Variants in CCSER1 observed in about 807,000 individuals in gnomAD.
CCSER1 encodes serine-rich coiled-coil domain-containing protein 1.
A neutral mutation model predicts 82.0 loss-of-function variants in CCSER1; 41 were observed. The ratio of observed to expected loss-of-function variants is 0.50; its 90% CI spans 0.39 to 0.65. The LOEUF (loss-of-function observed/expected upper bound fraction) is 0.65. Ranked by LOEUF, CCSER1 falls within the 30% of genes least tolerant of loss-of-function variation. CCSER1 has a pLI of 0.00. For missense variants in CCSER1, 1,119 were observed against 1,064.2 expected, an observed-to-expected ratio of 1.05 and a Z score of -0.72; for synonymous variants, 414 against 383.9, an observed-to-expected ratio of 1.08 and a Z score of -0.92.
intron 1 of CCSER1, among the ~76,000 whole-genome samples, chr4:90,298,423 G>T (rs919896694): frequency 6.6e-6 from 1 of 150,940 alleles, no homozygotes; most frequent in East Asian, 1.9e-4. Flanking sequence ...TATCAATTTT[G>T]TTGATCCTTT....
intron 10 of CCSER1, among the ~76,000 whole-genome samples, chr4:91,462,756 C>T (rs1756583915): frequency 6.6e-6 from 1 of 152,158 alleles, no homozygotes; most frequent in African/African-American, 2.4e-5. Flanking sequence ...GAGCCTCGCT[C>T]ATTGCTAGCA....
intron 10 of CCSER1, among the ~76,000 whole-genome samples, chr4:91,232,101 G>A (rs1407500689): frequency 2.6e-5 from 4 of 151,684 alleles, no homozygotes; most frequent in Non-Finnish European, 3.0e-5. Context: ...TACTATTTTG[G>A]CAAGGATATA....
At chr4:90,151,324 T>C (rs557616570) in intron 1 of CCSER1, among the ~76,000 whole-genome samples, 1 of 152,194 alleles carries the variant, frequency 6.6e-6, no homozygotes, top group South Asian at 2.1e-4. Context: ...ATATGGTTTC[T>C]TCATAAAGAT....
intron 9 of CCSER1, among the ~76,000 whole-genome samples, chr4:91,084,896 A>G (rs1419471623): frequency 1.3e-5 from 2 of 151,962 alleles, no homozygotes; most frequent in East Asian, 3.9e-4. Context: ...GTTTGAAAAA[A>G]CCCTGAAAAT....
intron 8 of CCSER1, among the ~76,000 whole-genome samples, chr4:90,842,473 A>G (rs925117232): frequency 1.3e-5 from 2 of 152,192 alleles, no homozygotes; most frequent in Non-Finnish European, 2.9e-5. Context: ...ATGAAGCAAC[A>G]TCTGGATTAT....
chr4:90,409,616 T>A (rs931734204), intron 4 of CCSER1, among the ~76,000 whole-genome samples: 13 of 152,116 alleles, frequency 8.5e-5, no homozygotes, highest in East Asian at 3.9e-4. Flanking sequence ...GCCCTAAAAG[T>A]GCTCCTGAAG....
rs890839166 is a variant in CCSER1, at chr4:91,604,197, C to A, written c.*5140C>A. 2 of 152,040 alleles carry A rather than the reference C, an allele frequency of 1.3e-5. No individual in the cohort carries two copies. The highest frequency in any genetic ancestry group is 4.8e-5 in the African/African-American group (2 of 41,402). The allele number at this position is 152,040 out of a possible 1,614,324, so 9.4% of individuals were successfully genotyped here. On this transcript the variant is annotated 3_prime_UTR_variant, in exon 11 of 11. Coordinates refer to ENST00000509176, the MANE Select transcript of CCSER1 (RefSeq NM_001145065.2). ...TTTTTAATTAAATTGGATTTAATAA[C>A]CCTTGAACTTTCCATTTATATCATG... is the stretch of plus-strand genomic sequence containing the variant.
At chr4:90,296,747 G>A (rs1467320562) in intron 1 of CCSER1, among the ~76,000 whole-genome samples, 6 of 152,082 alleles carry the variant, frequency 3.9e-5, no homozygotes, top group Non-Finnish European at 8.8e-5. Context: ...TATTAAATAG[G>A]GAATCATTTC....
chr4:90,582,281 G>A (rs1049426744), intron 5 of CCSER1, among the ~76,000 whole-genome samples: 1 of 152,162 alleles, frequency 6.6e-6, no homozygotes, highest in African/African-American at 2.4e-5. Flanking sequence ...TCTGAAGACA[G>A]GCTTTTCCTG....
At chr4:91,209,743 G>C (rs1270653354) in intron 10 of CCSER1, among the ~76,000 whole-genome samples, 2 of 151,744 alleles carry the variant, frequency 1.3e-5, no homozygotes, top group African/African-American at 4.8e-5. Flanking sequence ...AATTGGGGAG[G>C]AGTCAATTTC....
chr4:91,185,368 G>A (rs940734431), intron 10 of CCSER1, among the ~76,000 whole-genome samples: 1 of 152,194 alleles, frequency 6.6e-6, no homozygotes, highest in Admixed American at 6.5e-5. Flanking sequence ...ACTCCTGTAT[G>A]TATTTGTACA....
At chr4:90,335,190 G>A (rs1740152084) in intron 3 of CCSER1, among the ~76,000 whole-genome samples, 1 of 152,164 alleles carries the variant, frequency 6.6e-6, no homozygotes, top group Admixed American at 6.6e-5. Context: ...GTTGGCATGA[G>A]CTGATTGCAA....
At chr4:90,349,901 A>C (rs551737955) in intron 3 of CCSER1, among the ~76,000 whole-genome samples, 52 of 152,256 alleles carry the variant, frequency 3.4e-4, no homozygotes, top group African/African-American at 9.1e-4. Flanking sequence ...ACAGATGGAA[A>C]GACTTAGAAA....
chr4:90,202,310 C>A (rs1056857866), intron 1 of CCSER1, among the ~76,000 whole-genome samples: 1 of 151,692 alleles, frequency 6.6e-6, no homozygotes, highest in African/African-American at 2.4e-5. Flanking sequence ...TCAAGCGATT[C>A]TTGTGCCTCA....
At chr4:90,696,291 A>G (rs1051321631) in intron 6 of CCSER1, among the ~76,000 whole-genome samples, 7 of 152,140 alleles carry the variant, frequency 4.6e-5, no homozygotes, top group Non-Finnish European at 1.0e-4. Flanking sequence ...TCAATTATTT[A>G]TGAAAATGCC....
rs747181785 is a variant in CCSER1, at chr4:90,372,076, A to T, written c.1510-27960A>T. Among the ~76,000 whole-genome samples the T allele has an allele frequency of 1.3e-4, 20 of 152,284 alleles. No individual in the cohort carries two copies. In the South Asian group the frequency reaches 4.1e-3, roughly 32 times the overall value. On this transcript the variant is annotated intron_variant, in intron 3 of 10. Transcript: ENST00000509176. Reference sequence around the variant, plus strand: ...TCAAAAATCGTTTGGAACTCTGTGGATATGCTTGTTTTTTTCAATTGCTGT... The same window carrying T: ...TCAAAAATCGTTTGGAACTCTGTGGTTATGCTTGTTTTTTTCAATTGCTGT...
intron 10 of CCSER1, among the ~76,000 whole-genome samples, chr4:91,469,616 C>A (rs1274565942): frequency 6.6e-6 from 1 of 152,074 alleles, no homozygotes; most frequent in Non-Finnish European, 1.5e-5. Flanking sequence ...TGGAGAACTT[C>A]CCTAGGTTGA....
intron 4 of CCSER1, among the ~76,000 whole-genome samples, chr4:90,431,408 C>T (rs1477368799): frequency 3.3e-5 from 5 of 151,968 alleles, no homozygotes; most frequent in Non-Finnish European, 7.4e-5. Context: ...TCCACAAATG[C>T]CTGCCTTTTA....
chr4:91,387,484 AG>A (rs1751371107), intron 10 of CCSER1, among the ~76,000 whole-genome samples: 1 of 152,060 alleles, frequency 6.6e-6, no homozygotes, highest in Admixed American at 6.6e-5. Flanking sequence ...TGAACATTTA[AG>A]AAGATATATC....
Sources: gnomAD v4.1 joint callset for allele counts (sites outside exome capture counted in the v4.1 genomes callset) on GRCh38, gnomAD v4.1.1 for gene constraint, MANE v1.5 for transcripts, NCBI Gene and HGNC (gene_info 2026-07-23, HGNC 2026-07-21) for gene names.